Variants in MCOLN2 observed in about 807,000 individuals in gnomAD.
The protein encoded by MCOLN2 is mucolipin TRP cation channel 2, also known as mucolipin-2.
A neutral mutation model predicts 67.5 loss-of-function variants in MCOLN2; 57 were observed. That is an observed-to-expected ratio of 0.84 (90% CI 0.68 to 1.05). The LOEUF is 1.05. Ranked by LOEUF, MCOLN2 falls within the 50% of genes least tolerant of loss-of-function variation. MCOLN2 has a pLI of 0.00. For synonymous variants in MCOLN2, 246 were observed against 233.3 expected (o/e 1.05, Z -0.50); for missense variants, 620 against 678.8 (o/e 0.91, Z 0.96).
intron 1 of MCOLN2, among the ~76,000 whole-genome samples, chr1:84,966,575 G>A (rs1571008116): frequency 6.6e-6 from 1 of 152,238 alleles, no homozygotes; most frequent in South Asian, 2.1e-4. Context: ...ACTGAGAGAA[G>A]GACTATGACT....
chr1:84,927,116 G>A (rs368802730), intron 13 of MCOLN2, among the ~76,000 whole-genome samples: 11 of 151,654 alleles, frequency 7.3e-5, no homozygotes, highest in Admixed American at 2.0e-4. Flanking sequence ...TAGATGATGC[G>A]TTGATAGGTG....
intron 6 of MCOLN2, among the ~76,000 whole-genome samples, chr1:84,951,788 T>A (rs1207178504): frequency 6.6e-6 from 1 of 152,224 alleles, no homozygotes; most frequent in African/African-American, 2.4e-5. Context: ...AATACCATAA[T>A]GAGGCTGGGC....
chr1:84,957,764 C>T (rs1037762462), intron 3 of MCOLN2, among the ~76,000 whole-genome samples: 6 of 152,198 alleles, frequency 3.9e-5, no homozygotes. Flanking sequence ...TGATATTACA[C>T]ATTTCACTTC....
intron 1 of MCOLN2, among the ~76,000 whole-genome samples, chr1:84,995,052 G>A (rs1439106307): frequency 3.3e-5 from 5 of 152,108 alleles, no homozygotes; most frequent in African/African-American, 4.8e-5. Context: ...ATGGCTGGTC[G>A]GTGGAGTAGT....
intron 2 of MCOLN2, among the ~76,000 whole-genome samples, chr1:84,964,539 GTAA>G (rs1649274159): frequency 7.5e-6 from 1 of 132,892 alleles, no homozygotes. Flanking sequence ...GGGGGGGTGG[GTAA>G]TGGTTTCAGG....
chr1:84,975,415 C>T (rs1649947216), intron 1 of MCOLN2, among the ~76,000 whole-genome samples: 1 of 152,142 alleles, frequency 6.6e-6, no homozygotes, highest in African/African-American at 2.4e-5. Context: ...CCAAAGAATT[C>T]TTCTAGATCT....
intron 1 of MCOLN2, among the ~76,000 whole-genome samples, chr1:84,970,892 G>C (rs893732703): frequency 1.3e-5 from 2 of 152,176 alleles, no homozygotes; most frequent in African/African-American, 4.8e-5. Context: ...TCTTCTGACT[G>C]CTGGGTTCCT....
chr1:84,947,306 CCACA>C (rs59818609), intron 6 of MCOLN2, among the ~76,000 whole-genome samples, 174 bp from the exon 7 acceptor site: 2 of 141,086 alleles, frequency 1.4e-5, no homozygotes, highest in South Asian at 4.3e-4. Flanking sequence ...GCACCCCCCA[CCACA>C]CACACACACA....
At chr1:84,966,616 T>A (rs1649394542) in intron 1 of MCOLN2, among the ~76,000 whole-genome samples, 1 of 152,230 alleles carries the variant, frequency 6.6e-6, no homozygotes, top group Non-Finnish European at 1.5e-5. Flanking sequence ...AGTGATTATA[T>A]GATTCCAGAA....
chr1:84,964,769 G>A (rs184175842), intron 2 of MCOLN2, among the ~76,000 whole-genome samples: 29 of 152,196 alleles, frequency 1.9e-4, no homozygotes, highest in African/African-American at 6.5e-4. Flanking sequence ...TAGATCCTTC[G>A]CATGTGCAGT....
intron 2 of MCOLN2, among the ~76,000 whole-genome samples, chr1:84,962,047 AAGAG>A (rs2102852939): frequency 6.6e-6 from 1 of 152,324 alleles, no homozygotes; most frequent in South Asian, 2.1e-4. Context: ...AAGACAGAAA[AAGAG>A]AGGGAGGGAA....
chr1:84,964,798 T>C (rs1178809514), intron 2 of MCOLN2, among the ~76,000 whole-genome samples: 4 of 152,060 alleles, frequency 2.6e-5, no homozygotes, highest in Non-Finnish European at 5.9e-5. Context: ...GGGTTTGCGT[T>C]CCTATGAGAA....
chr1:84,984,343 CA>C (rs1271577214), intron 1 of MCOLN2, among the ~76,000 whole-genome samples: 1 of 152,184 alleles, frequency 6.6e-6, no homozygotes, highest in East Asian at 1.9e-4. Flanking sequence ...CCCTTAAATA[CA>C]CACAAGCCAG....
intron 8 of MCOLN2, 120 bp from the exon 9 acceptor site, chr1:84,939,822 C>G: frequency 1.0e-6 from 1 of 999,152 alleles, no homozygotes; most frequent in Non-Finnish European, 1.5e-6. Flanking sequence ...TCCAATTTGC[C>G]AGATCCACCT....
chr1:84,955,394 G>T (rs1273850274), intron 4 of MCOLN2, among the ~76,000 whole-genome samples: 1 of 152,036 alleles, frequency 6.6e-6, no homozygotes, highest in Non-Finnish European at 1.5e-5. Flanking sequence ...CCTTTTTCCT[G>T]AAAGGAAAAA....
chr1:84,986,163 G>C (rs767157975), intron 1 of MCOLN2, among the ~76,000 whole-genome samples: 1 of 152,224 alleles, frequency 6.6e-6, no homozygotes, highest in African/African-American at 2.4e-5. Flanking sequence ...ACTAATCTTC[G>C]ACAAAGCAAA....
chr1:84,936,110 C>T (rs373282139), intron 11 of MCOLN2, among the ~76,000 whole-genome samples: 54 of 152,168 alleles, frequency 3.5e-4, no homozygotes, highest in African/African-American at 1.2e-3. Context: ...TATTAAGGTG[C>T]CTATTCTCTG....
At chr1:84,995,933 G>A (rs1257100062) in intron 1 of MCOLN2, among the ~76,000 whole-genome samples, 1 of 152,094 alleles carries the variant, frequency 6.6e-6, no homozygotes, top group Non-Finnish European at 1.5e-5. Context: ...GATGGCCTCT[G>A]TATGGAAAAT....
chr1:84,953,616 T>C (rs1648626428), intron 4 of MCOLN2, among the ~76,000 whole-genome samples: 1 of 151,810 alleles, frequency 6.6e-6, no homozygotes, highest in Admixed American at 6.6e-5. Context: ...GAAATATTTG[T>C]GCTATTTTGT....
Sources: gnomAD v4.1 joint callset for allele counts (sites outside exome capture counted in the v4.1 genomes callset) on GRCh38, gnomAD v4.1.1 for gene constraint, MANE v1.5 for transcripts, NCBI Gene and HGNC (gene_info 2026-07-23, HGNC 2026-07-21) for gene names.